ITGB3BP: variants seen among roughly 807,000 people sequenced by gnomAD.
The protein encoded by ITGB3BP is centromere protein R.
ITGB3BP carries 27 observed loss-of-function variants against 29.1 expected under a neutral mutation model. The observed-to-expected ratio is 0.93, with a 90% CI of 0.68 to 1.28. The LOEUF (loss-of-function observed/expected upper bound fraction) is 1.28, where lower values mean the gene tolerates loss of function less well. ITGB3BP is among the 50% of genes most tolerant of loss of function. The pLI is 0.00. For missense variants in ITGB3BP, 192 were observed against 200.2 expected (o/e 0.96, Z 0.25); for synonymous variants, 61 against 61.4 (o/e 0.99, Z 0.03).
chr1:63,482,319 T>G (rs1486874523), intron 3 of ITGB3BP, among the ~76,000 whole-genome samples: 1 of 149,072 alleles, frequency 6.7e-6, no homozygotes, highest in Non-Finnish European at 1.5e-5. Flanking sequence ...CAAACAGGTT[T>G]AGGCTGGTAT....
chr1:63,449,268 A>G (rs1644830795), intron 7 of ITGB3BP: 1 of 152,524 alleles, frequency 6.6e-6, no homozygotes. Context: ...TCATCAGCAC[A>G]TACTGAGCAC....
At chr1:63,491,779 GATGA>G (rs2100684297) in intron 2 of ITGB3BP, among the ~76,000 whole-genome samples, 1 of 152,146 alleles carries the variant, frequency 6.6e-6, no homozygotes, top group South Asian at 2.1e-4. Flanking sequence ...CCACAAATGC[GATGA>G]ATATCTTTTA....
In ITGB3BP at chr1:63,523,204, G is replaced by A; in HGVS notation, c.-71C>T. ...AGCAACTTCCGAAAACAGAAAATCC[G>A]CCAAAGGAAACGCCAAGGCATGAAA... On this transcript the variant is annotated 5_prime_UTR_variant, in exon 1 of 9. Coordinates refer to ENST00000271002, the MANE Select transcript of ITGB3BP (RefSeq NM_014288.5). The A allele has an allele frequency of 2.5e-6, 4 of 1,607,178 alleles. No homozygotes were observed. Among genetic ancestry groups the A allele is most frequent in the Non-Finnish European group, 3.4e-6 (4 of 1,175,362 alleles).
chr1:63,458,936 T>C (rs12072330), intron 4 of ITGB3BP, among the ~76,000 whole-genome samples: 2,743 of 152,282 alleles, frequency 0.018, 78 homozygotes, highest in African/African-American at 0.063. Flanking sequence ...CTTATATATT[T>C]TCCATGATTC....
intron 2 of ITGB3BP, among the ~76,000 whole-genome samples, chr1:63,502,538 A>C (rs1162169425): frequency 6.7e-6 from 1 of 148,926 alleles, no homozygotes; most frequent in Admixed American, 6.7e-5. Context: ...TAATACTTTA[A>C]GTTTTAGGGT....
intron 4 of ITGB3BP, among the ~76,000 whole-genome samples, chr1:63,473,013 C>T (rs1645236469): frequency 6.6e-6 from 1 of 151,622 alleles, no homozygotes; most frequent in South Asian, 2.1e-4. Context: ...CAGCCGCCAT[C>T]CCATCTAGGA....
chr1:63,504,195 G>C (rs1646013948), intron 2 of ITGB3BP, among the ~76,000 whole-genome samples: 1 of 151,876 alleles, frequency 6.6e-6, no homozygotes, highest in South Asian at 2.1e-4. Context: ...TCATTGAGCA[G>C]TGGTTTGTAG....
intron 2 of ITGB3BP, among the ~76,000 whole-genome samples, chr1:63,490,883 C>T (rs192362736): frequency 6.6e-6 from 1 of 152,200 alleles, no homozygotes; most frequent in East Asian, 1.9e-4. Context: ...ATTATCTTTT[C>T]ATCTTTATAT....
At chr1:63,493,088 A>ACGCGCGCGCGCGCGCGCG (rs66981141) in intron 2 of ITGB3BP, among the ~76,000 whole-genome samples, 3 of 148,726 alleles carry the variant, frequency 2.0e-5, no homozygotes, top group Admixed American at 2.0e-4. Context: ...ACACACACAC[A>ACGCGCGCGCGCGCGCGCG]CGCGCGCGCG....
At position 63,440,910 on chromosome 1, in the gene ITGB3BP, C is replaced by T. The variant is rs1351531755; in HGVS notation, c.*195G>A. ...GAGCCAAGAAGAAATGTATTATTTA[C>T]ATTGAGATTATCTACTGGTGCGTGT... is the stretch of plus-strand genomic sequence containing the variant. On this transcript the variant is annotated 3_prime_UTR_variant, in exon 9 of 9. Transcript: ENST00000271002. 1 of 152,606 alleles carries T rather than the reference C, an allele frequency of 6.6e-6. No homozygotes were observed. Among genetic ancestry groups the T allele is most frequent in the Non-Finnish European group, 1.5e-5 (1 of 68,034 alleles). 9.5% of individuals were successfully genotyped at this position (152,606 alleles called of 1,614,324 possible).
intron 8 of ITGB3BP, among the ~76,000 whole-genome samples, chr1:63,444,641 A>G (rs1046170405): frequency 6.8e-6 from 1 of 146,874 alleles, no homozygotes; most frequent in Admixed American, 6.9e-5. Flanking sequence ...AGATATATAT[A>G]TATCTCCTAT....
chr1:63,472,622 C>T (rs554968603), intron 4 of ITGB3BP, among the ~76,000 whole-genome samples: 7 of 150,990 alleles, frequency 4.6e-5, no homozygotes, highest in South Asian at 4.2e-4. Context: ...AGGCGCGCGC[C>T]GCCACGCCTG....
chr1:63,496,467 C>T (rs1056070356), intron 2 of ITGB3BP, among the ~76,000 whole-genome samples: 4 of 152,094 alleles, frequency 2.6e-5, no homozygotes, highest in African/African-American at 9.7e-5. Context: ...TTGATGTGTG[C>T]AAATGATGTA....
intron 2 of ITGB3BP, among the ~76,000 whole-genome samples, chr1:63,501,785 C>T (rs1472121740): frequency 1.3e-5 from 2 of 151,848 alleles, no homozygotes; most frequent in Admixed American, 6.6e-5. Flanking sequence ...TTGCTTGAGC[C>T]CAGAAGGTTG....
intron 4 of ITGB3BP, among the ~76,000 whole-genome samples, 191 bp from the exon 5 acceptor site, chr1:63,455,159 G>A (rs1570133201): frequency 6.6e-6 from 1 of 152,204 alleles, no homozygotes; most frequent in Non-Finnish European, 1.5e-5. Flanking sequence ...CAGTGGGATG[G>A]AAGACATAGT....
intron 4 of ITGB3BP, among the ~76,000 whole-genome samples, chr1:63,477,202 C>T (rs1475716400): frequency 6.6e-6 from 1 of 152,168 alleles, no homozygotes; most frequent in African/African-American, 2.4e-5. Context: ...TTAAATGGCA[C>T]TCAGTTTCCA....
intron 1 of ITGB3BP, among the ~76,000 whole-genome samples, chr1:63,513,979 C>T (rs1370774056): frequency 6.6e-6 from 1 of 152,192 alleles, no homozygotes; most frequent in African/African-American, 2.4e-5. Flanking sequence ...CTGAAACTCA[C>T]ATCCATATCA....
At chr1:63,493,868 T>C (rs1645722179) in intron 2 of ITGB3BP, among the ~76,000 whole-genome samples, 1 of 152,232 alleles carries the variant, frequency 6.6e-6, no homozygotes, top group Non-Finnish European at 1.5e-5. Flanking sequence ...TTTATCACTA[T>C]TTTGAACTGT....
At chr1:63,441,980 CT>C (rs556279158) in intron 8 of ITGB3BP, among the ~76,000 whole-genome samples, 306 of 152,270 alleles carry the variant, frequency 2.0e-3, no homozygotes, top group African/African-American at 7.1e-3. Flanking sequence ...CATGCCTGTA[CT>C]CCTAGGCCAA....
Sources: gnomAD v4.1 joint callset for allele counts (sites outside exome capture counted in the v4.1 genomes callset) on GRCh38, gnomAD v4.1.1 for gene constraint, MANE v1.5 for transcripts, NCBI Gene and HGNC (gene_info 2026-07-23, HGNC 2026-07-21) for gene names.